NOL4: variants seen among roughly 807,000 people sequenced by gnomAD.
The protein encoded by NOL4 is nucleolar protein 4.
NOL4 carries 17 observed loss-of-function variants against 75.9 expected under a neutral mutation model. The ratio of observed to expected loss-of-function variants is 0.22; its 90% CI spans 0.15 to 0.34. NOL4 has a LOEUF of 0.34. NOL4 is among the 10% of genes least tolerant of loss of function. The probability of loss-of-function intolerance (pLI) is 1.00; values close to 1 mark genes in which losing one functional copy is unlikely to be tolerated. For synonymous variants in NOL4, 292 were observed against 289.9 expected (o/e 1.01, Z -0.07); for missense variants, 614 against 793.5 (o/e 0.77, Z 2.72).
intron 5 of NOL4, among the ~76,000 whole-genome samples, chr18:34,030,602 T>C (rs973759506): frequency 1.3e-5 from 2 of 152,198 alleles, no homozygotes; most frequent in African/African-American, 4.8e-5. Flanking sequence ...TGTTAATGGA[T>C]ACAAAATTAC....
intron 4 of NOL4, 68 bp downstream of exon 4, chr18:34,103,979 T>C (rs2079153443): frequency 3.0e-6 from 3 of 1,015,862 alleles, no homozygotes; most frequent in Non-Finnish European, 1.6e-6. Context: ...ATGCTTAATA[T>C]GATAGTCATG....
intron 9 of NOL4, among the ~76,000 whole-genome samples, chr18:33,908,076 T>C (rs1439471070): frequency 1.3e-5 from 2 of 152,144 alleles, no homozygotes; most frequent in Admixed American, 6.5e-5. Context: ...TTGTCACAAA[T>C]GGTTCTACGG....
intron 5 of NOL4, among the ~76,000 whole-genome samples, chr18:34,071,408 G>T (rs2077509225): frequency 6.9e-6 from 1 of 145,530 alleles, no homozygotes; most frequent in Non-Finnish European, 1.5e-5. Context: ...TCAGGCTGAA[G>T]ATATACACAA....
intron 10 of NOL4, among the ~76,000 whole-genome samples, chr18:33,867,377 C>G (rs934016007): frequency 6.6e-6 from 1 of 152,082 alleles, no homozygotes; most frequent in African/African-American, 2.4e-5. Context: ...ATTTAATTTA[C>G]ATCTTTAAAG....
At chr18:34,068,344 A>G (rs1236865910) in intron 5 of NOL4, among the ~76,000 whole-genome samples, 1 of 152,178 alleles carries the variant, frequency 6.6e-6, no homozygotes, top group African/African-American at 2.4e-5. Flanking sequence ...AGCAGCAGTG[A>G]AGGAGGAACA....
chr18:34,025,866 G>A (rs1380091075), intron 5 of NOL4, among the ~76,000 whole-genome samples: 1 of 152,074 alleles, frequency 6.6e-6, no homozygotes, highest in Non-Finnish European at 1.5e-5. Context: ...ACTTAGAGGT[G>A]AATGATTAGA....
At chr18:34,136,031 T>C (rs2080877484) in intron 1 of NOL4, among the ~76,000 whole-genome samples, 1 of 152,104 alleles carries the variant, frequency 6.6e-6, no homozygotes, top group Non-Finnish European at 1.5e-5. Flanking sequence ...GTTAGTTTAA[T>C]ACAATGAAAT....
intron 5 of NOL4, among the ~76,000 whole-genome samples, chr18:34,066,481 G>C (rs2145195052): frequency 6.6e-6 from 1 of 151,918 alleles, no homozygotes; most frequent in Non-Finnish European, 1.5e-5. Flanking sequence ...CTGGAGATCT[G>C]TTACAAACAA....
At chr18:33,900,943 T>G (rs1193854479) in intron 9 of NOL4, among the ~76,000 whole-genome samples, 1 of 152,196 alleles carries the variant, frequency 6.6e-6, no homozygotes, top group Non-Finnish European at 1.5e-5. Flanking sequence ...GATGCATTAT[T>G]TGTTATGTCT....
intron 1 of NOL4, among the ~76,000 whole-genome samples, chr18:34,169,907 T>C (rs2032846723): frequency 6.6e-6 from 1 of 152,164 alleles, no homozygotes; most frequent in Non-Finnish European, 1.5e-5. Context: ...TATGCACTAA[T>C]ATACAATTAT....
At chr18:33,911,186 T>C (rs1341724461) in intron 9 of NOL4, among the ~76,000 whole-genome samples, 3 of 146,362 alleles carry the variant, frequency 2.0e-5, no homozygotes, top group Non-Finnish European at 4.5e-5. Flanking sequence ...CTTTATTTCA[T>C]GTGTTCCAGA....
At chr18:34,042,298 T>C (rs1264858317) in intron 5 of NOL4, among the ~76,000 whole-genome samples, 2 of 151,942 alleles carry the variant, frequency 1.3e-5, no homozygotes. Flanking sequence ...GATGAAAAAC[T>C]CTGAAGACAT....
chr18:33,992,254 G>C (rs2072974364), intron 6 of NOL4, among the ~76,000 whole-genome samples: 1 of 151,944 alleles, frequency 6.6e-6, no homozygotes, highest in Non-Finnish European at 1.5e-5. Flanking sequence ...AATGGTGTAA[G>C]ATATACTGAT....
intron 10 of NOL4, among the ~76,000 whole-genome samples, chr18:33,876,938 A>C (rs543639191): frequency 6.6e-6 from 1 of 152,204 alleles, no homozygotes; most frequent in African/African-American, 2.4e-5. Flanking sequence ...CATTGCTAGA[A>C]TCCTTTCTCA....
chr18:33,903,743 G>C (rs1028432090), intron 9 of NOL4, among the ~76,000 whole-genome samples: 6 of 152,090 alleles, frequency 3.9e-5, no homozygotes, highest in Non-Finnish European at 5.9e-5. Context: ...CCCATAACTA[G>C]ACAAGGCTTA....
At chr18:34,104,466 T>C (rs1242513660) in intron 3 of NOL4, among the ~76,000 whole-genome samples, 3 of 152,058 alleles carry the variant, frequency 2.0e-5, no homozygotes, top group South Asian at 2.1e-4. Context: ...TGCTTTACTT[T>C]CTATATGTAT....
intron 1 of NOL4, among the ~76,000 whole-genome samples, chr18:34,186,695 A>G: frequency 6.6e-6 from 1 of 152,204 alleles, no homozygotes; most frequent in East Asian, 1.9e-4. Flanking sequence ...TAAAATATTA[A>G]CCTTATATCA....
chr18:34,051,209 T>C (rs1024125207), intron 5 of NOL4, among the ~76,000 whole-genome samples: 1 of 152,096 alleles, frequency 6.6e-6, no homozygotes, highest in Non-Finnish European at 1.5e-5. Context: ...AAGTCTGCTA[T>C]CAGGTATATA....
intron 1 of NOL4, among the ~76,000 whole-genome samples, chr18:34,135,279 G>A (rs1304674137): frequency 2.6e-4 from 40 of 151,998 alleles, no homozygotes; most frequent in Admixed American, 2.6e-3. Context: ...ATAAACAAGT[G>A]TATGTCAACA....
Sources: allele counts gnomAD v4.1 joint callset (sites outside exome capture counted in the v4.1 genomes callset), GRCh38; gene constraint gnomAD v4.1.1; transcripts MANE v1.5; gene names NCBI Gene and HGNC (gene_info 2026-07-23, HGNC 2026-07-21).